Variants in STX18 observed in about 807,000 individuals in gnomAD.
STX18 encodes syntaxin-18.
STX18 carries 40 observed loss-of-function variants against 50.1 expected under a neutral mutation model. That is an observed-to-expected ratio of 0.80 (90% CI 0.62 to 1.04). The LOEUF (loss-of-function observed/expected upper bound fraction) is 1.04. Ranked by LOEUF, STX18 falls within the 50% of genes least tolerant of loss-of-function variation. The probability of loss-of-function intolerance (pLI) is 0.00; values close to 1 mark genes in which losing one functional copy is unlikely to be tolerated. For synonymous variants in STX18, 158 were observed against 151.8 expected (o/e 1.04, Z -0.30); for missense variants, 410 against 415.8 (o/e 0.99, Z 0.12).
intron 1 of STX18, among the ~76,000 whole-genome samples, chr4:4,500,959 C>A (rs1207773074): frequency 1.3e-5 from 2 of 152,106 alleles, no homozygotes; most frequent in Non-Finnish European, 2.9e-5. Flanking sequence ...ATTGCTAGAA[C>A]CTAGGAGAAG....
chr4:4,474,498 G>A (rs571535964), intron 1 of STX18, among the ~76,000 whole-genome samples: 4 of 152,206 alleles, frequency 2.6e-5, no homozygotes, highest in Admixed American at 6.5e-5. Context: ...ACTCCTAATC[G>A]CCAGAACCTG....
At chr4:4,464,104 G>A (rs777388093) in intron 2 of STX18, among the ~76,000 whole-genome samples, 6 of 152,038 alleles carry the variant, frequency 3.9e-5, no homozygotes, top group Non-Finnish European at 8.8e-5. Context: ...ACCACCCCTC[G>A]TTTTATAAAG....
At chr4:4,534,447 T>C (rs1412304413) in intron 1 of STX18, among the ~76,000 whole-genome samples, 1 of 152,256 alleles carries the variant, frequency 6.6e-6, no homozygotes, top group Non-Finnish European at 1.5e-5. Flanking sequence ...AATTAGTTAC[T>C]AAGTTTTACT....
At chr4:4,444,002 G>A (rs1380630664) in intron 5 of STX18, among the ~76,000 whole-genome samples, 2 of 151,828 alleles carry the variant, frequency 1.3e-5, no homozygotes, top group Non-Finnish European at 3.0e-5. Context: ...CTTGTCTGAT[G>A]AGAGTATCTT....
chr4:4,505,620 A>T (rs1310541218), intron 1 of STX18, among the ~76,000 whole-genome samples: 1 of 143,622 alleles, frequency 7.0e-6, no homozygotes, highest in Non-Finnish European at 1.5e-5. Context: ...TCTCTGCTAA[A>T]AATAAAAAAA....
intron 5 of STX18, among the ~76,000 whole-genome samples, chr4:4,451,409 C>T (rs540422110): frequency 2.0e-3 from 303 of 152,294 alleles, no homozygotes; most frequent in African/African-American, 6.6e-3. Flanking sequence ...CTTATACAGC[C>T]GTACCTTGTT....
intron 5 of STX18, among the ~76,000 whole-genome samples, chr4:4,441,395 G>C (rs527928696): frequency 3.3e-5 from 5 of 152,190 alleles, no homozygotes; most frequent in African/African-American, 1.2e-4. Flanking sequence ...AAAGTTATAA[G>C]GATATTCACC....
chr4:4,483,467 C>G (rs144948131), intron 1 of STX18, among the ~76,000 whole-genome samples: 2 of 152,212 alleles, frequency 1.3e-5, no homozygotes, highest in Admixed American at 6.5e-5. Flanking sequence ...CCAGCCCCAA[C>G]TTACTAACTT....
At chr4:4,457,528 C>G (rs765304584) in intron 3 of STX18, 28 bp from the exon 4 acceptor site, 2 of 1,553,440 alleles carry the variant, frequency 1.3e-6, no homozygotes, top group South Asian at 2.3e-5. Context: ...AATGTTCAGG[C>G]CTTCGCACTC....
At chr4:4,449,025 C>T (rs894281460) in intron 5 of STX18, among the ~76,000 whole-genome samples, 4 of 149,976 alleles carry the variant, frequency 2.7e-5, no homozygotes, top group African/African-American at 7.3e-5. Flanking sequence ...ACTTCCATTT[C>T]TCCCTTGGAC....
At chr4:4,446,588 A>G (rs749508635) in intron 5 of STX18, among the ~76,000 whole-genome samples, 1 of 152,252 alleles carries the variant, frequency 6.6e-6, no homozygotes, top group Non-Finnish European at 1.5e-5. Flanking sequence ...AGGAAATGCA[A>G]ACTAAACCCA....
chr4:4,498,439 T>C (rs1260235927), intron 1 of STX18, among the ~76,000 whole-genome samples: 1 of 152,194 alleles, frequency 6.6e-6, no homozygotes, highest in East Asian at 1.9e-4. Flanking sequence ...GTAGCACTGG[T>C]GGTTTTTGTT....
intron 5 of STX18, among the ~76,000 whole-genome samples, chr4:4,441,834 C>G (rs2108795849): frequency 6.6e-6 from 1 of 152,162 alleles, no homozygotes; most frequent in Non-Finnish European, 1.5e-5. Context: ...GATATGCATA[C>G]TAAAGTATTG....
intron 7 of STX18, among the ~76,000 whole-genome samples, chr4:4,429,268 C>T (rs969477307): frequency 3.3e-5 from 5 of 152,346 alleles, no homozygotes; most frequent in African/African-American, 9.6e-5. Flanking sequence ...CATTATTCAA[C>T]TGCTTTATCC....
chr4:4,446,324 C>T (rs938779221), intron 5 of STX18, among the ~76,000 whole-genome samples: 1 of 152,016 alleles, frequency 6.6e-6, no homozygotes, highest in African/African-American at 2.4e-5. Context: ...TAAAATTCAA[C>T]TTCCTCAAAA....
intron 1 of STX18, among the ~76,000 whole-genome samples, chr4:4,496,408 G>C (rs546467814): frequency 2.6e-5 from 4 of 152,012 alleles, no homozygotes; most frequent in Admixed American, 2.6e-4. Context: ...CAGCCAACCC[G>C]CCATCAAGTC....
At chr4:4,497,299 T>A (rs1357422463) in intron 1 of STX18, among the ~76,000 whole-genome samples, 5 of 152,248 alleles carry the variant, frequency 3.3e-5, no homozygotes, top group Admixed American at 6.5e-5. Context: ...GAGCACAGAC[T>A]TCTGTTTTCT....
At chr4:4,497,052 A>G (rs1427647448) in intron 1 of STX18, among the ~76,000 whole-genome samples, 3 of 152,140 alleles carry the variant, frequency 2.0e-5, no homozygotes, top group Non-Finnish European at 4.4e-5. Flanking sequence ...TTTCAACCAG[A>G]GCAGTTTGTG....
chr4:4,501,379 T>C (rs561265671), intron 1 of STX18, among the ~76,000 whole-genome samples: 155 of 152,262 alleles, frequency 1.0e-3, no homozygotes, highest in South Asian at 2.3e-3. Flanking sequence ...TGCTGCCACC[T>C]CTCTCTCACT....
Sources: gnomAD v4.1 joint callset for allele counts (sites outside exome capture counted in the v4.1 genomes callset) on GRCh38, gnomAD v4.1.1 for gene constraint, MANE v1.5 for transcripts, NCBI Gene and HGNC (gene_info 2026-07-23, HGNC 2026-07-21) for gene names.